Variants in TENM3 observed in about 807,000 individuals in gnomAD.
TENM3 encodes the protein teneurin transmembrane protein 3, also known as teneurin-3.
A neutral mutation model predicts 255.1 loss-of-function variants in TENM3; 63 were observed. The ratio of observed to expected loss-of-function variants is 0.25; its 90% CI spans 0.20 to 0.30. The LOEUF is 0.30. Ranked by LOEUF, TENM3 falls within the 10% of genes least tolerant of loss-of-function variation. The pLI, the probability that TENM3 is intolerant of heterozygous loss-of-function variation, is 1.00. For synonymous variants in TENM3, 1,306 were observed against 1,322.3 expected (o/e 0.99, Z 0.27); for missense variants, 2,929 against 3,461.1 (o/e 0.85, Z 3.86).
chr4:181,562,097 A>T, the TENM3 span, among the ~76,000 whole-genome samples: 2 of 152,188 alleles, frequency 1.3e-5, no homozygotes, highest in African/African-American at 4.8e-5. Context: ...GTGTATTAAC[A>T]AACATTTGTC....
chr4:182,061,714 T>C, the TENM3 span, among the ~76,000 whole-genome samples: 1 of 152,142 alleles, frequency 6.6e-6, no homozygotes, highest in African/African-American at 2.4e-5. Flanking sequence ...ATCCCAGCAC[T>C]TTGGGAGACC....
chr4:181,971,805 G>A, the TENM3 span, among the ~76,000 whole-genome samples: 11 of 151,878 alleles, frequency 7.2e-5, no homozygotes, highest in Admixed American at 1.3e-4. Context: ...CTGGACTCAA[G>A]CGATCCTCCT....
At chr4:181,888,919 A>C in the TENM3 span, among the ~76,000 whole-genome samples, 145,817 of 151,542 alleles carry the variant, frequency 0.96, 70,410 homozygotes, top group East Asian at 1. Flanking sequence ...AGAGATTAGT[A>C]GACGCCCACC....
chr4:182,260,062 C>T (rs74520074), intron 1 of TENM3, among the ~76,000 whole-genome samples: 21 of 152,196 alleles, frequency 1.4e-4, no homozygotes, highest in African/African-American at 4.6e-4. Context: ...TGCAAATGAC[C>T]GGATTTCACT....
chr4:181,523,084 C>T, the TENM3 span: 1 of 530,600 alleles, frequency 1.9e-6, no homozygotes, highest in African/African-American at 1.9e-5. Flanking sequence ...GGGACAAAGA[C>T]ATCTTTGAAG....
chr4:182,432,952 G>C (rs1317582055), intron 3 of TENM3, among the ~76,000 whole-genome samples: 1 of 151,300 alleles, frequency 6.6e-6, no homozygotes, highest in African/African-American at 2.4e-5. Context: ...ATCCCAAAGT[G>C]CTGGGATTAC....
chr4:181,805,597 T>TTGTGTGTG, the TENM3 span, among the ~76,000 whole-genome samples: 3,807 of 150,526 alleles, frequency 0.025, 72 homozygotes, highest in Non-Finnish European at 0.036. Flanking sequence ...GTGTGCACTT[T>TTGTGTGTG]TGTGTGTGTG....
chr4:181,699,736 T>C, the TENM3 span, among the ~76,000 whole-genome samples: 1 of 152,172 alleles, frequency 6.6e-6, no homozygotes, highest in Admixed American at 6.5e-5. Context: ...AAAACAAATC[T>C]GTACAGAAAG....
chr4:181,761,131 G>A, the TENM3 span, among the ~76,000 whole-genome samples: 1 of 151,914 alleles, frequency 6.6e-6, no homozygotes. Flanking sequence ...CTTAGTCAAG[G>A]CAAGAGTTCA....
chr4:182,057,337 G>A, the TENM3 span, among the ~76,000 whole-genome samples: 1 of 150,510 alleles, frequency 6.6e-6, no homozygotes, highest in Non-Finnish European at 1.5e-5. Context: ...CAGAAAGAAA[G>A]AAAATAAAGA....
the TENM3 span, chr4:181,522,915 C>T: frequency 2.2e-6 from 2 of 891,442 alleles, no homozygotes; most frequent in South Asian, 1.3e-5. Context: ...AATTGTTGTG[C>T]TGGTTATTTC....
chr4:182,032,966 T>A, the TENM3 span, among the ~76,000 whole-genome samples: 3 of 151,782 alleles, frequency 2.0e-5, no homozygotes, highest in Non-Finnish European at 4.4e-5. Flanking sequence ...GAGTTCTATC[T>A]ATTTTATTAA....
chr4:182,621,735 A>G (rs1581129859), intron 4 of TENM3, among the ~76,000 whole-genome samples: 2 of 2,444 alleles, frequency 8.2e-4, no homozygotes, highest in Non-Finnish European at 8.5e-3. Flanking sequence ...TATAAAATAT[A>G]TAATATATAA....
the TENM3 span, among the ~76,000 whole-genome samples, chr4:181,973,527 A>T: frequency 6.6e-6 from 1 of 152,166 alleles, no homozygotes; most frequent in Admixed American, 6.5e-5. Flanking sequence ...GTTTGAGACT[A>T]GCCTGGGAAA....
At chr4:182,432,087 A>G (rs1471598144) in intron 3 of TENM3, among the ~76,000 whole-genome samples, 1 of 151,900 alleles carries the variant, frequency 6.6e-6, no homozygotes, top group Non-Finnish European at 1.5e-5. Flanking sequence ...AAAAAAAAAA[A>G]AAAGAAAGAA....
At chr4:182,796,108 C>T (rs1376486415) in intron 26 of TENM3, among the ~76,000 whole-genome samples, 1 of 152,196 alleles carries the variant, frequency 6.6e-6, no homozygotes, top group Non-Finnish European at 1.5e-5. Context: ...GCCAGTTTTG[C>T]CAGCTTGCAG....
intron 3 of TENM3, among the ~76,000 whole-genome samples, chr4:182,486,210 T>C (rs1734690830): frequency 6.6e-6 from 1 of 151,864 alleles, no homozygotes; most frequent in Non-Finnish European, 1.5e-5. Context: ...TTTTTAAGCA[T>C]CCAGGCTTTT....
the TENM3 span, among the ~76,000 whole-genome samples, chr4:181,590,967 A>T: frequency 1.3e-5 from 2 of 152,316 alleles, no homozygotes; most frequent in Admixed American, 1.3e-4. Flanking sequence ...GATATAAATA[A>T]TCTCCTTACT....
the TENM3 span, among the ~76,000 whole-genome samples, chr4:181,603,988 G>A: frequency 6.6e-6 from 1 of 152,188 alleles, no homozygotes; most frequent in Non-Finnish European, 1.5e-5. Flanking sequence ...ATGATTGCCG[G>A]GCGCGGTGGC....
Sources: gnomAD v4.1 joint callset for allele counts (sites outside exome capture counted in the v4.1 genomes callset) on GRCh38, gnomAD v4.1.1 for gene constraint, MANE v1.5 for transcripts, NCBI Gene and HGNC (gene_info 2026-07-23, HGNC 2026-07-21) for gene names.